The following AP4S1 variants were observed in gnomAD, a reference collection of about 807,000 sequenced individuals.
The protein encoded by AP4S1 is adaptor related protein complex 4 subunit sigma 1, also known as AP-4 complex subunit sigma-1.
In AP4S1, 23 loss-of-function variants were observed where a neutral mutation model predicts 19.8. The ratio of observed to expected loss-of-function variants is 1.16; its 90% CI spans 0.84 to 1.65. AP4S1 has a LOEUF of 1.65. Ranked by LOEUF, AP4S1 falls within the 40% of genes most tolerant of loss-of-function variation. The probability of loss-of-function intolerance (pLI) is 0.00; values close to 1 mark genes in which losing one functional copy is unlikely to be tolerated. For missense variants in AP4S1, 166 were observed against 172.8 expected, an observed-to-expected ratio of 0.96 and a Z score of 0.22; for synonymous variants, 46 against 54.1, an observed-to-expected ratio of 0.85 and a Z score of 0.66.
intron 1 of AP4S1, among the ~76,000 whole-genome samples, chr14:31,064,183 C>A (rs1404537134): frequency 6.6e-6 from 1 of 152,194 alleles, no homozygotes; most frequent in Non-Finnish European, 1.5e-5. Context: ...TGGATCCATG[C>A]ATGTGCTTGG....
intron 2 of AP4S1, among the ~76,000 whole-genome samples, 155 bp downstream of exon 2, chr14:31,066,489 C>CA (rs1886724439): frequency 6.6e-6 from 1 of 152,176 alleles, no homozygotes; most frequent in African/African-American, 2.4e-5. Context: ...CTGAAAGAAG[C>CA]ATAGCTCTCT....
intron 4 of AP4S1, among the ~76,000 whole-genome samples, chr14:31,079,255 T>G (rs1887513542): frequency 6.6e-6 from 1 of 152,232 alleles, no homozygotes; most frequent in Admixed American, 6.5e-5. Context: ...TCTATTTTAT[T>G]TACAAAATTT....
rs773800545 is a variant in AP4S1 at position 31,026,089 on chromosome 14, C to A, written c.-72+302C>A. 2.0e-6 allele frequency: 3 copies of A among 1,528,178 alleles called. No individual in the cohort carries two copies. In the South Asian group the frequency reaches 3.6e-5, roughly 18 times the overall value. 94.7% of individuals were successfully genotyped at this position (1,528,178 alleles called of 1,614,324 possible). A position where few individuals can be genotyped will look rare whatever the true frequency, so the allele number is the denominator to read the frequency against. Reference sequence around the variant, plus strand: ...CCGCCGCCCGCCGCTCCGTTCCCCCCGGGCGAAAGGCCCAGGTTCCCCCCA... The same window carrying A: ...CCGCCGCCCGCCGCTCCGTTCCCCCAGGGCGAAAGGCCCAGGTTCCCCCCA... On this transcript the variant is annotated intron_variant, in intron 1 of 5. Transcript: ENST00000542754.
chr14:31,088,105 C>T (rs1178243856), intron 5 of AP4S1, among the ~76,000 whole-genome samples: 1 of 152,022 alleles, frequency 6.6e-6, no homozygotes, highest in Non-Finnish European at 1.5e-5. Flanking sequence ...AGGAACAGTC[C>T]CCAGGATTCA....
chr14:31,081,767 AACAC>A (rs1180892845), intron 5 of AP4S1, among the ~76,000 whole-genome samples: 4 of 151,730 alleles, frequency 2.6e-5, no homozygotes, highest in East Asian at 3.9e-4. Flanking sequence ...TACGTGCACA[AACAC>A]ACAGGCATTT....
chr14:31,075,995 C>G (rs1021318092), intron 4 of AP4S1, among the ~76,000 whole-genome samples: 1 of 152,164 alleles, frequency 6.6e-6, no homozygotes, highest in African/African-American at 2.4e-5. Context: ...CTCGGCCTCC[C>G]AAAGTGCTGG....
At chr14:31,092,776 T>A in intron 5 of AP4S1, 131 bp from the exon 6 acceptor site, 2 of 646,434 alleles carry the variant, frequency 3.1e-6, no homozygotes, top group Non-Finnish European at 5.0e-6. Flanking sequence ...TAAATTTAAT[T>A]TCAGAAATTT....
At chr14:31,045,105 T>C (rs1310799301) in intron 1 of AP4S1, among the ~76,000 whole-genome samples, 1 of 152,126 alleles carries the variant, frequency 6.6e-6, no homozygotes, top group East Asian at 1.9e-4. Context: ...TTTCACTATG[T>C]TGGCCAGGTT....
In AP4S1 at chr14:31,070,979, G is replaced by A. The variant is rs538887906; in HGVS notation, c.225+1050G>A. On this transcript the variant is annotated intron_variant, in intron 3 of 5. Coordinates refer to ENST00000542754, the MANE Select transcript of AP4S1 (RefSeq NM_001128126.3). Reference sequence around the variant, plus strand: ...AGGCAGGAGAATGGTGTGAACCCAGGAGGCAGAGCTTGCAGTGAGCCGAGA... The same window carrying A: ...AGGCAGGAGAATGGTGTGAACCCAGAAGGCAGAGCTTGCAGTGAGCCGAGA... Among the ~76,000 whole-genome samples, 10 of 152,248 alleles carry A rather than the reference G, an allele frequency of 6.6e-5. No individual in the cohort carries two copies. In the East Asian group the frequency reaches 1.7e-3, roughly 26 times the overall value.
chr14:31,083,029 TGA>T (rs937093211), intron 5 of AP4S1, among the ~76,000 whole-genome samples: 4 of 152,176 alleles, frequency 2.6e-5, no homozygotes, highest in Non-Finnish European at 2.9e-5. Flanking sequence ...GACTAGATAT[TGA>T]GAGAGTTAAC....
Position 31,034,609 on chromosome 14 carries a change from A to ATTTT in AP4S1, c.-72+8844_-72+8847dup, listed in dbSNP as rs5807612. Among the ~76,000 whole-genome samples the ATTTT allele has an allele frequency of 1.3e-3, 131 of 103,950 alleles. 3 individuals carry two copies. Among genetic ancestry groups the ATTTT allele is most frequent in the African/African-American group, 4.4e-3 (112 of 25,734 alleles). 68.2% of individuals were successfully genotyped at this position (103,950 alleles called of 152,430 possible). A position where few individuals can be genotyped will look rare whatever the true frequency, so the allele number is the denominator to read the frequency against. Reference sequence around the variant, plus strand: ...CCTGTGCCTAGAAGTTTTGTACTTAATTTTTTTTTTTTTTTTTTTTTTTTT... The same window carrying ATTTT: ...CCTGTGCCTAGAAGTTTTGTACTTAATTTTTTTTTTTTTTTTTTTTTTTTTTTTT... On this transcript the variant is annotated intron_variant, in intron 1 of 5. Coordinates refer to ENST00000542754, the MANE Select transcript of AP4S1 (RefSeq NM_001128126.3).
chr14:31,026,188 T>A, intron 1 of AP4S1: 3 of 1,439,420 alleles, frequency 2.1e-6, no homozygotes, highest in Non-Finnish European at 2.7e-6. Context: ...TCGTCCATTG[T>A]GTGTGGGGCC....
chr14:31,081,245 G>A (rs923495741), intron 5 of AP4S1, among the ~76,000 whole-genome samples: 2 of 152,142 alleles, frequency 1.3e-5, no homozygotes, highest in Non-Finnish European at 2.9e-5. Context: ...TCCTCCTCCA[G>A]AAACTGGATT....
At chr14:31,052,934 A>T (rs1203645276) in intron 1 of AP4S1, among the ~76,000 whole-genome samples, 4 of 101,214 alleles carry the variant, frequency 4.0e-5, no homozygotes, top group Non-Finnish European at 5.6e-5. Flanking sequence ...AGTGTGCTAA[A>T]TTTTTTTTTT....
intron 4 of AP4S1, among the ~76,000 whole-genome samples, chr14:31,078,850 G>T (rs1887497027): frequency 1.3e-5 from 2 of 152,130 alleles, no homozygotes; most frequent in African/African-American, 4.8e-5. Context: ...AGAAGAAGAG[G>T]AAGAGGGAAA....
intron 1 of AP4S1, among the ~76,000 whole-genome samples, chr14:31,046,388 G>A (rs1486290261): frequency 2.0e-5 from 3 of 152,210 alleles, no homozygotes; most frequent in South Asian, 2.1e-4. Flanking sequence ...CATATAATAG[G>A]TAGTATTTCT....
At position 31,028,921 on chromosome 14, in the gene AP4S1, A is replaced by G. The variant is rs116852121; in HGVS notation, c.-72+3134A>G. Reference sequence around the variant, plus strand: ...ACAACAACAAAAACCATTTGTGAGAATGGTTGACCTGATGATAGCATCAAA... The same window carrying G: ...ACAACAACAAAAACCATTTGTGAGAGTGGTTGACCTGATGATAGCATCAAA... On this transcript the variant is annotated intron_variant, in intron 1 of 5. Coordinates refer to ENST00000542754, the MANE Select transcript of AP4S1 (RefSeq NM_001128126.3). Among the ~76,000 whole-genome samples the G allele has an allele frequency of 4.6e-4, 70 of 152,326 alleles. 2 individuals carry two copies. In the East Asian group the frequency reaches 0.014, roughly 29 times the overall value.
chr14:31,044,675 G>A (rs541358296), intron 1 of AP4S1, among the ~76,000 whole-genome samples: 3 of 151,746 alleles, frequency 2.0e-5, no homozygotes, highest in African/African-American at 7.2e-5. Context: ...AAAAAAATTT[G>A]TAGAAATGGG....
chr14:31,080,485 C>T (rs777535561), intron 4 of AP4S1, 88 bp from the exon 5 acceptor site: 23 of 1,128,650 alleles, frequency 2.0e-5, no homozygotes, highest in Middle Eastern at 2.0e-4. Context: ...CTGCTATGGA[C>T]GCAGAAGCCT....
Sources: allele counts gnomAD v4.1 joint callset (sites outside exome capture counted in the v4.1 genomes callset), GRCh38; gene constraint gnomAD v4.1.1; transcripts MANE v1.5; gene names NCBI Gene and HGNC (gene_info 2026-07-23, HGNC 2026-07-21).